Variants in IPCEF1 observed in about 807,000 individuals in gnomAD.
IPCEF1 encodes the protein interactor protein for cytohesin exchange factors 1.
A neutral mutation model predicts 50.9 loss-of-function variants in IPCEF1; 31 were observed. The observed-to-expected ratio is 0.61, with a 90% CI of 0.46 to 0.82. The LOEUF (loss-of-function observed/expected upper bound fraction) is 0.82. Ranked by LOEUF, IPCEF1 falls within the 40% of genes least tolerant of loss-of-function variation. The pLI is 0.00. For missense variants in IPCEF1, 458 were observed against 514.0 expected (o/e 0.89, Z 1.05); for synonymous variants, 181 against 192.0 (o/e 0.94, Z 0.47).
chr6:154,309,385 C>T (rs1562283410), intron 1 of IPCEF1, among the ~76,000 whole-genome samples: 1 of 152,210 alleles, frequency 6.6e-6, no homozygotes, highest in Admixed American at 6.5e-5. Context: ...GAGCTCACAA[C>T]ATGTGTTTAA....
Position 154,351,066 on chromosome 6 carries a change from C to T in IPCEF1, c.-62+5606G>A, listed in dbSNP as rs543835194. 3.9e-4 allele frequency among the ~76,000 whole-genome samples: 59 copies of T among 152,258 alleles called. 2 individuals carry two copies. The South Asian group carries it at 8.9e-3, about 23-fold the overall frequency. On this transcript the variant is annotated intron_variant, in intron 1 of 11. Coordinates refer to ENST00000367220, the MANE Select transcript of IPCEF1 (RefSeq NM_001130700.2). ...GCTTTTATAGATGAGACAACTCAAGCGTGGAGAAGTTAAATGCTTGCTTGT... is the reference window on the plus strand; with the variant it reads ...GCTTTTATAGATGAGACAACTCAAGTGTGGAGAAGTTAAATGCTTGCTTGT...
intron 1 of IPCEF1, among the ~76,000 whole-genome samples, chr6:154,349,383 AT>A (rs146450752): frequency 6.1e-5 from 6 of 98,742 alleles, no homozygotes; most frequent in South Asian, 3.5e-4. Flanking sequence ...ATTTTATTTT[AT>A]TTTATTTATT....
At chr6:154,267,922 C>T (rs1189267654) in intron 2 of IPCEF1, among the ~76,000 whole-genome samples, 5 of 152,222 alleles carry the variant, frequency 3.3e-5, no homozygotes, top group African/African-American at 9.6e-5. Context: ...GATCTTGGGG[C>T]TTTTATGGCC....
intron 3 of IPCEF1, among the ~76,000 whole-genome samples, chr6:154,263,190 C>T (rs1434846395): frequency 2.0e-5 from 3 of 150,936 alleles, no homozygotes; most frequent in African/African-American, 4.9e-5. Context: ...TGCATTAAAT[C>T]TTGACCACAG....
intron 3 of IPCEF1, among the ~76,000 whole-genome samples, chr6:154,248,971 G>C (rs1209494430): frequency 6.6e-6 from 1 of 152,022 alleles, no homozygotes; most frequent in Non-Finnish European, 1.5e-5. Flanking sequence ...TTACAACGAA[G>C]CTAAAGTGTT....
intron 1 of IPCEF1, among the ~76,000 whole-genome samples, chr6:154,295,005 T>A (rs759879932): frequency 2.6e-5 from 4 of 152,200 alleles, no homozygotes; most frequent in Non-Finnish European, 5.9e-5. Flanking sequence ...GAGACCAGCC[T>A]GGCTAACACG....
chr6:154,205,431 C>T (rs1404104099), intron 9 of IPCEF1, among the ~76,000 whole-genome samples: 2 of 152,092 alleles, frequency 1.3e-5, no homozygotes, highest in Admixed American at 1.3e-4. Context: ...CCTGTCTCTA[C>T]TAAAAATACA....
chr6:154,186,392 T>A (rs72999473), intron 10 of IPCEF1, among the ~76,000 whole-genome samples: 1 of 152,152 alleles, frequency 6.6e-6, no homozygotes, highest in African/African-American at 2.4e-5. Context: ...CATTTTAAAA[T>A]ATACACAGCA....
chr6:154,246,859 T>C, intron 4 of IPCEF1, 99 bp from the exon 5 acceptor site: 5 of 1,365,968 alleles, frequency 3.7e-6, no homozygotes, highest in Non-Finnish European at 4.8e-6. Context: ...CAACTTTTAA[T>C]TGTTAACCCC....
chr6:154,256,450 A>C (rs1424564620), intron 3 of IPCEF1, among the ~76,000 whole-genome samples: 1 of 152,048 alleles, frequency 6.6e-6, no homozygotes, highest in Non-Finnish European at 1.5e-5. Context: ...AATTTGCAGA[A>C]TTGCAAGTGA....
At chr6:154,265,315 CT>C (rs1314601205) in intron 3 of IPCEF1, among the ~76,000 whole-genome samples, 1 of 151,574 alleles carries the variant, frequency 6.6e-6, no homozygotes, top group Non-Finnish European at 1.5e-5. Context: ...GAGTCTCGCT[CT>C]GTTGCCCAGG....
At position 154,159,706 on chromosome 6, in the gene IPCEF1, T is replaced by C; in HGVS notation, c.*122A>G. 3 of 726,518 alleles carry C rather than the reference T, an allele frequency of 4.1e-6. No homozygotes were observed. The South Asian group carries it at 5.0e-5, about 12-fold the overall frequency. The allele number at this position is 726,518 out of a possible 1,614,324, so 45.0% of individuals were successfully genotyped here. On this transcript the variant is annotated 3_prime_UTR_variant, in exon 12 of 12. Transcript: ENST00000367220. ...TCTTCATCTAACGTGCATCTTTAGA[T>C]GGGAAGCTGATGCTTGAAGGACTGG...
intron 9 of IPCEF1, among the ~76,000 whole-genome samples, chr6:154,204,741 C>T (rs376532827): frequency 7.8e-4 from 119 of 152,254 alleles, no homozygotes; most frequent in African/African-American, 2.7e-3. Flanking sequence ...CCCAGTCCAT[C>T]CTCCAAACCA....
chr6:154,352,418 C>T (rs773002246), intron 1 of IPCEF1, among the ~76,000 whole-genome samples: 11 of 152,110 alleles, frequency 7.2e-5, no homozygotes, highest in South Asian at 2.1e-4. Flanking sequence ...CTTAGTTTTC[C>T]TTGACGATCT....
At chr6:154,349,766 C>T (rs1490971451) in intron 1 of IPCEF1, among the ~76,000 whole-genome samples, 2 of 152,026 alleles carry the variant, frequency 1.3e-5, no homozygotes, top group African/African-American at 4.8e-5. Flanking sequence ...AAAATCTATC[C>T]AGTCACAGAT....
At chr6:154,204,639 G>A (rs1247868398) in intron 9 of IPCEF1, among the ~76,000 whole-genome samples, 1 of 152,112 alleles carries the variant, frequency 6.6e-6, no homozygotes, top group Admixed American at 6.5e-5. Flanking sequence ...TCATCACTGT[G>A]ATCCTTAGTA....
intron 10 of IPCEF1, among the ~76,000 whole-genome samples, chr6:154,183,668 G>T (rs1326639028): frequency 6.6e-6 from 1 of 152,082 alleles, no homozygotes; most frequent in African/African-American, 2.4e-5. Context: ...TGAGGCCGAG[G>T]CAGGCAGATC....
At chr6:154,258,964 T>C (rs1219748314) in intron 3 of IPCEF1, among the ~76,000 whole-genome samples, 1 of 152,242 alleles carries the variant, frequency 6.6e-6, no homozygotes, top group Admixed American at 6.5e-5. Context: ...CTTCATATGA[T>C]GCCTTTAGTA....
intron 5 of IPCEF1, among the ~76,000 whole-genome samples, chr6:154,240,306 G>A (rs1035534745): frequency 2.6e-5 from 4 of 152,124 alleles, no homozygotes; most frequent in Non-Finnish European, 5.9e-5. Flanking sequence ...TAAAGAATAC[G>A]TCCTCTGCTG....
Sources: gnomAD v4.1 joint callset for allele counts (sites outside exome capture counted in the v4.1 genomes callset) on GRCh38, gnomAD v4.1.1 for gene constraint, MANE v1.5 for transcripts, NCBI Gene and HGNC (gene_info 2026-07-23, HGNC 2026-07-21) for gene names.